GOLM2: variants seen among roughly 807,000 people sequenced by gnomAD.
GOLM2 encodes golgi membrane protein 2, also known as protein GOLM2.
Under a neutral mutation model 55.9 loss-of-function variants are expected in GOLM2, and 26 were observed. That is an observed-to-expected ratio of 0.47 (90% CI 0.34 to 0.65). The LOEUF (loss-of-function observed/expected upper bound fraction) is 0.65, where lower values mean the gene tolerates loss of function less well. Ranked by LOEUF, GOLM2 falls within the 30% of genes least tolerant of loss-of-function variation. The probability of loss-of-function intolerance (pLI) is 0.01; values close to 1 mark genes in which losing one functional copy is unlikely to be tolerated. For missense variants in GOLM2, 486 were observed against 531.8 expected (o/e 0.91, Z 0.85); for synonymous variants, 165 against 194.6 (o/e 0.85, Z 1.27).
At chr15:44,345,479 C>T (rs535824444) in intron 6 of GOLM2, among the ~76,000 whole-genome samples, 14 of 152,014 alleles carry the variant, frequency 9.2e-5, no homozygotes, top group Non-Finnish European at 1.6e-4. Flanking sequence ...AGGCTGGTCT[C>T]GAACTCCTGA....
intron 6 of GOLM2, among the ~76,000 whole-genome samples, chr15:44,353,855 G>A (rs1385437830): frequency 6.6e-6 from 1 of 152,006 alleles, no homozygotes; most frequent in Admixed American, 6.6e-5. Flanking sequence ...GAATGAACAA[G>A]GTCTGGTATT....
At chr15:44,351,101 T>C (rs1341091304) in intron 6 of GOLM2, among the ~76,000 whole-genome samples, 1 of 152,168 alleles carries the variant, frequency 6.6e-6, no homozygotes, top group East Asian at 1.9e-4. Flanking sequence ...CACTGTCATT[T>C]GATCTAGTAC....
At chr15:44,307,508 A>T (rs1302358768) in intron 1 of GOLM2, 1 of 152,216 alleles carries the variant, frequency 6.6e-6, no homozygotes, top group Non-Finnish European at 1.5e-5. Context: ...CACCGTGTTC[A>T]GCCCACATGA....
chr15:44,386,959 G>A (rs2079449886), intron 8 of GOLM2, among the ~76,000 whole-genome samples: 1 of 151,996 alleles, frequency 6.6e-6, no homozygotes, highest in Non-Finnish European at 1.5e-5. Flanking sequence ...CAGATCACTG[G>A]AGCCCAGGAG....
intron 6 of GOLM2, among the ~76,000 whole-genome samples, chr15:44,347,958 A>G (rs531457890): frequency 2.0e-5 from 3 of 152,318 alleles, no homozygotes; most frequent in East Asian, 1.9e-4. Flanking sequence ...AGTCAGCGCC[A>G]GAAGGGAACC....
At chr15:44,413,314 T>A in intron 9 of GOLM2, 22 bp from the exon 10 acceptor site, 1 of 1,562,068 alleles carries the variant, frequency 6.4e-7, no homozygotes, top group East Asian at 2.2e-5. Context: ...AATATGTTGA[T>A]ACAAAATTAT....
At position 44,402,038 on chromosome 15, in the gene GOLM2, C is replaced by T. The variant is rs761672228; in HGVS notation, c.1073-849C>T. Among the ~76,000 whole-genome samples the T allele has an allele frequency of 5.3e-5, 8 of 151,994 alleles. No individual in the cohort carries two copies. The South Asian group carries it at 8.3e-4, about 16-fold the overall frequency. On this transcript the variant is annotated intron_variant, in intron 8 of 9. Transcript: ENST00000299957. The stretch of plus-strand genomic sequence containing the variant: ...AGAGATGGGGTTTCACCATGTTTGC[C>T]GGGCTGGTCTCGAACTACTGACCTC...
intron 6 of GOLM2, among the ~76,000 whole-genome samples, chr15:44,338,970 T>G (rs2079074634): frequency 6.6e-6 from 1 of 152,194 alleles, no homozygotes; most frequent in Non-Finnish European, 1.5e-5. Flanking sequence ...TCTATGTTTC[T>G]TGGCTATTAA....
In GOLM2 at chr15:44,310,502, C is replaced by CCACACA. The variant is rs34821071; in HGVS notation, c.328-12444_328-12439dup. ...TATATATATATATACACACACACAC[C>CCACACA]CACACACACACACACACACACACAT... On this transcript the variant is annotated intron_variant, in intron 1 of 9. Coordinates refer to ENST00000299957, the MANE Select transcript of GOLM2 (RefSeq NM_138423.4). 4.1e-3 allele frequency among the ~76,000 whole-genome samples: 513 copies of CCACACA among 124,666 alleles called. 3 individuals are homozygous for CCACACA. Among genetic ancestry groups the CCACACA allele is most frequent in the African/African-American group, 0.015 (489 of 33,532 alleles). The allele number at this position is 124,666 out of a possible 152,430, so 81.8% of individuals were successfully genotyped here. A position where few individuals can be genotyped will look rare whatever the true frequency, so the allele number is the denominator to read the frequency against.
At chr15:44,408,204 A>C (rs1438611787) in intron 9 of GOLM2, among the ~76,000 whole-genome samples, 1 of 152,194 alleles carries the variant, frequency 6.6e-6, no homozygotes, top group Non-Finnish European at 1.5e-5. Flanking sequence ...AAAGGAACTA[A>C]AATATTAGTT....
chr15:44,324,118 G>A (rs2078967548), intron 2 of GOLM2, among the ~76,000 whole-genome samples: 1 of 152,144 alleles, frequency 6.6e-6, no homozygotes, highest in Non-Finnish European at 1.5e-5. Context: ...TTTTACAAAT[G>A]CTTTCACTTG....
chr15:44,393,237 CT>C, intron 8 of GOLM2, among the ~76,000 whole-genome samples: 1 of 152,028 alleles, frequency 6.6e-6, no homozygotes. Context: ...CATAGTGAAA[CT>C]TTTAAAAAGA....
chr15:44,378,408 A>C (rs772323300), intron 6 of GOLM2, among the ~76,000 whole-genome samples: 13 of 144,332 alleles, frequency 9.0e-5, no homozygotes, highest in Non-Finnish European at 1.9e-4. Context: ...CCCAGGCCGC[A>C]GTGCAGTGGC....
At chr15:44,359,587 CAAAA>C (rs1209530292) in intron 6 of GOLM2, among the ~76,000 whole-genome samples, 1 of 151,640 alleles carries the variant, frequency 6.6e-6, no homozygotes, top group Non-Finnish European at 1.5e-5. Context: ...GACTCCGTCT[CAAAA>C]ACAAACAAAC....
intron 8 of GOLM2, among the ~76,000 whole-genome samples, chr15:44,391,198 G>A (rs116890918): frequency 0.027 from 4,035 of 152,084 alleles, 94 homozygotes; most frequent in East Asian, 0.1. Context: ...ACCAAAAACT[G>A]GTTCTTTGAA....
chr15:44,295,497 C>T (rs1391659564), intron 1 of GOLM2, among the ~76,000 whole-genome samples: 2 of 152,192 alleles, frequency 1.3e-5, no homozygotes, highest in Admixed American at 6.5e-5. Flanking sequence ...AAACTTCCCT[C>T]TAAAGGGTTT....
At chr15:44,354,375 A>G (rs961649677) in intron 6 of GOLM2, among the ~76,000 whole-genome samples, 1 of 152,012 alleles carries the variant, frequency 6.6e-6, no homozygotes, top group African/African-American at 2.4e-5. Flanking sequence ...GGTGCAGCAC[A>G]CCAACATGGC....
At chr15:44,361,471 A>T (rs1473737053) in intron 6 of GOLM2, among the ~76,000 whole-genome samples, 1 of 152,132 alleles carries the variant, frequency 6.6e-6, no homozygotes. Flanking sequence ...TCCTCGACAC[A>T]TACACTCTCC....
chr15:44,401,679 T>C (rs774465355), intron 8 of GOLM2, among the ~76,000 whole-genome samples: 3 of 152,240 alleles, frequency 2.0e-5, no homozygotes, highest in Non-Finnish European at 4.4e-5. Context: ...AATCTACTTT[T>C]ATGCTAAGTT....
Sources: allele counts gnomAD v4.1 joint callset (sites outside exome capture counted in the v4.1 genomes callset), GRCh38; gene constraint gnomAD v4.1.1; transcripts MANE v1.5; gene names NCBI Gene and HGNC (gene_info 2026-07-23, HGNC 2026-07-21).